Variants in FHL1 observed in about 807,000 individuals in gnomAD.
FHL1 encodes four and a half LIM domains 1, also known as four and a half LIM domains protein 1.
Under a neutral mutation model 20.3 loss-of-function variants are expected in FHL1, and 1 was observed. The ratio of observed to expected loss-of-function variants is 0.05; its 90% CI spans 0.02 to 0.23. FHL1 has a LOEUF of 0.23. FHL1 is among the 10% of genes least tolerant of loss of function. The pLI is 1.00. For missense variants in FHL1, 177 were observed against 234.0 expected (o/e 0.76, Z 1.59); for synonymous variants, 82 against 88.9 (o/e 0.92, Z 0.44).
chrX:136,182,283 G>A (rs893995843), intron 2 of FHL1, among the ~76,000 whole-genome samples: 2 of 111,947 alleles, frequency 1.8e-5, no homozygotes, highest in Non-Finnish European at 3.8e-5. Flanking sequence ...TGTTGGTTAC[G>A]CCCACAGAAT....
chrX:136,195,369 A>C (rs1021169363), upstream of FHL1, among the ~76,000 whole-genome samples: 8 of 112,519 alleles, frequency 7.1e-5, no homozygotes, highest in Non-Finnish European at 1.9e-5. Context: ...CATTAAGGTT[A>C]ATCATCTAAT....
chrX:136,172,298 T>C (rs2072892515), intron 2 of FHL1, among the ~76,000 whole-genome samples: 1 of 112,552 alleles, frequency 8.9e-6, no homozygotes, highest in Admixed American at 9.4e-5. Context: ...AGCCCTACTA[T>C]GGGCCAGGGC....
At chrX:136,183,174 G>A (rs1274984827) in intron 2 of FHL1, among the ~76,000 whole-genome samples, 1 of 111,005 alleles carries the variant, frequency 9.0e-6, no homozygotes, top group Non-Finnish European at 1.9e-5. Flanking sequence ...TGGGGGATGT[G>A]GGTGGGAAAC....
chrX:136,203,047 C>T (rs1207432975), intron 1 of FHL1, among the ~76,000 whole-genome samples: 1 of 112,546 alleles, frequency 8.9e-6, no homozygotes, highest in Non-Finnish European at 1.9e-5. Flanking sequence ...TTTAGAAGTA[C>T]GTGACGTAAG....
chrX:136,179,541 C>G (rs2073101089), intron 2 of FHL1, among the ~76,000 whole-genome samples: 1 of 112,143 alleles, frequency 8.9e-6, no homozygotes, highest in South Asian at 3.7e-4. Flanking sequence ...CTCCAGGAAA[C>G]TGGAAGCTTC....
intron 1 of FHL1, among the ~76,000 whole-genome samples, chrX:136,162,462 A>G (rs1157509733): frequency 8.9e-6 from 1 of 112,249 alleles, no homozygotes; most frequent in African/African-American, 3.2e-5. Flanking sequence ...CCTGGGCAAC[A>G]TGGTGAGACT....
At chrX:136,173,794 G>T (rs2072934223) in intron 2 of FHL1, among the ~76,000 whole-genome samples, 1 of 108,517 alleles carries the variant, frequency 9.2e-6, no homozygotes, top group Non-Finnish European at 1.9e-5. Context: ...TGCCTCCCAG[G>T]TTCACGCCAT....
intron 1 of FHL1, among the ~76,000 whole-genome samples, chrX:136,152,741 A>AG (rs1383011958): frequency 9.2e-6 from 1 of 108,442 alleles, no homozygotes; most frequent in Non-Finnish European, 1.9e-5. Flanking sequence ...AAAAAAAAAA[A>AG]GTAATTTGAG....
Position 136,159,388 on chromosome X carries a change from A to G in FHL1, c.-100-10519A>G, listed in dbSNP as rs772307922. Among the ~76,000 whole-genome samples, 10 of 110,631 alleles carry G rather than the reference A, an allele frequency of 9.0e-5. No individual in the cohort carries two copies. The South Asian group carries it at 3.9e-3, about 43-fold the overall frequency. On this transcript the variant is annotated intron_variant, in intron 1 of 7. Coordinates refer to the FHL1 transcript ENST00000394155. ...GAAACCCTGTCTCTACTGAAAATACAAAAATTAGCCGGGTGTGGTGGCATG... is the reference window on the plus strand; with the variant it reads ...GAAACCCTGTCTCTACTGAAAATACGAAAATTAGCCGGGTGTGGTGGCATG...
At position 136,178,757 on chromosome X, in the gene FHL1, CT is replaced by C. The variant is rs3085392; in HGVS notation, c.-27+8792del. 5.4e-3 allele frequency among the ~76,000 whole-genome samples: 530 copies of C among 97,365 alleles called. 5 individuals carry two copies. The highest frequency in any genetic ancestry group is 0.016 in the African/African-American group (442 of 26,978). 84.5% of individuals were successfully genotyped at this position (97,365 alleles called of 115,157 possible). A position where few individuals can be genotyped will look rare whatever the true frequency, so the allele number is the denominator to read the frequency against. On this transcript the variant is annotated intron_variant, in intron 2 of 6. Transcript: ENST00000394153. ...TGAGAGGACCATTTCTTTTTCTATT[CT>C]TTTTTTTTTTTTTTGAGACATAGTC...
intron 2 of FHL1, among the ~76,000 whole-genome samples, chrX:136,178,193 A>C (rs993563069): frequency 1.1e-4 from 12 of 111,759 alleles, no homozygotes; most frequent in Non-Finnish European, 1.9e-4. Context: ...CTTATATCAC[A>C]TGTTGAAAGC....
chrX:136,190,658 C>T (rs1401441075), intron 2 of FHL1, among the ~76,000 whole-genome samples: 1 of 111,619 alleles, frequency 9.0e-6, no homozygotes, highest in Non-Finnish European at 1.9e-5. Context: ...TGTGACCCAG[C>T]TTAACCTCTG....
At chrX:136,164,420 TG>T (rs1221218499) in intron 1 of FHL1, among the ~76,000 whole-genome samples, 1 of 110,946 alleles carries the variant, frequency 9.0e-6, no homozygotes, top group Non-Finnish European at 1.9e-5. Flanking sequence ...TTGGCCAGGC[TG>T]GTCTCGACCT....
chrX:136,157,616 C>T (rs192086346), intron 1 of FHL1, among the ~76,000 whole-genome samples: 97 of 110,996 alleles, frequency 8.7e-4, no homozygotes, highest in African/African-American at 3.1e-3. Context: ...GCCCCTTTTC[C>T]AGTAACATTC....
At chrX:136,155,746 GAACTACTATAGATAAA>G (rs1247109609) in intron 1 of FHL1, among the ~76,000 whole-genome samples, 1 of 109,698 alleles carries the variant, frequency 9.1e-6, no homozygotes, top group Non-Finnish European at 1.9e-5. Context: ...CCTCATTTTT[GAACTACTATAGATAAA>G]AACTCACAGA....
At chrX:136,196,703 G>A, upstream of FHL1, 1 of 633,112 alleles carries the variant, frequency 1.6e-6, no homozygotes, top group Non-Finnish European at 2.4e-6. Flanking sequence ...TTATTTACAG[G>A]GCCAAATGCA....
intron 1 of FHL1, chrX:136,169,780 A>T (rs950678334): frequency 9.1e-6 from 3 of 329,561 alleles, no homozygotes; most frequent in African/African-American, 7.9e-5. Flanking sequence ...AAGGGTTGTA[A>T]ATACAAAGTA....
chrX:136,176,513 A>G (rs775698732), intron 2 of FHL1, among the ~76,000 whole-genome samples: 97 of 111,483 alleles, frequency 8.7e-4, no homozygotes, highest in Non-Finnish European at 1.5e-3. Flanking sequence ...TTCATGTTGC[A>G]ATAGTTTTTC....
At chrX:136,158,007 T>G (rs773761898) in intron 1 of FHL1, among the ~76,000 whole-genome samples, 1 of 112,245 alleles carries the variant, frequency 8.9e-6, no homozygotes, top group Non-Finnish European at 1.9e-5. Context: ...GCTTCGTACT[T>G]ATTTGTAAAG....
Sources: allele counts gnomAD v4.1 joint callset (sites outside exome capture counted in the v4.1 genomes callset), GRCh38; gene constraint gnomAD v4.1.1; transcripts MANE v1.5; gene names NCBI Gene and HGNC (gene_info 2026-07-23, HGNC 2026-07-21).